Variants in AMER3 observed in about 807,000 individuals in gnomAD.
AMER3 encodes the protein family with sequence similarity 123C.
For missense variants in AMER3, 1,201 were observed against 1,139.4 expected (o/e 1.05, Z -0.78); for synonymous variants, 541 against 485.5 (o/e 1.11, Z -1.50).
chr2:130,758,184 C>A (rs1197619340), intron 1 of AMER3, among the ~76,000 whole-genome samples: 1 of 150,134 alleles, frequency 6.7e-6, no homozygotes, highest in Admixed American at 6.6e-5. Flanking sequence ...ATGATGAAAC[C>A]CCATCTCTAC....
In AMER3 at chr2:130,763,128, C is replaced by T; in HGVS notation, c.1056C>T (p.Leu352=). 1 of 1,613,418 alleles carries T rather than the reference C, an allele frequency of 6.2e-7. No homozygotes were observed. The highest frequency in any genetic ancestry group is 2.2e-5 in the East Asian group (1 of 44,864). The change falls in exon 2 of 2, where the codon CTC becomes CTT. Residue 352 remains leucine (L), a synonymous_variant. Coordinates refer to ENST00000321420, the MANE Select transcript of AMER3 (RefSeq NM_152698.3). ...LDTAGLAELP[L]CPCRDPRSGS... Reference sequence around the variant, plus strand: ...CAGCTGGGCTCGCTGAGCTGCCCCTCTGCCCCTGCAGGGACCCTCGCAGCG... The same window carrying T: ...CAGCTGGGCTCGCTGAGCTGCCCCTTTGCCCCTGCAGGGACCCTCGCAGCG...
chr2:130,758,120 C>T (rs1184522147), intron 1 of AMER3, among the ~76,000 whole-genome samples: 3 of 145,568 alleles, frequency 2.1e-5, no homozygotes, highest in South Asian at 2.2e-4. Context: ...GGCGACAGAG[C>T]GAGATTCCAT....
At chr2:130,760,559 G>A (rs1015147274) in intron 1 of AMER3, among the ~76,000 whole-genome samples, 6 of 152,202 alleles carry the variant, frequency 3.9e-5, no homozygotes, top group Admixed American at 6.5e-5. Context: ...GGTTGCCTCC[G>A]TGTAGTCCTT....
Position 130,764,570 on chromosome 2 carries a change from G to T in AMER3, c.2498G>T (p.Arg833Leu). 2 of 1,604,646 alleles carry T rather than the reference G, an allele frequency of 1.2e-6. No individual in the cohort carries two copies. Among genetic ancestry groups the T allele is most frequent in the Admixed American group, 3.4e-5 (2 of 58,958 alleles). Residue 833 changes from arginine to leucine, a missense_variant, in exon 2 of 2, where the codon CGC becomes CTC. Physicochemically the swap from Arg to Leu is moderately radical, Grantham distance 102 (BLOSUM62 -2). Transcript: ENST00000321420. ...GTCTCTGCAAGTGCCCCAGAATGCC[G>T]CTGCAGCCTCCTGGCCCGTGAGGGC... ...GGVSASAPEC[R>L]CSLLAREGLL... is the part of the protein sequence containing the mutation.
chr2:130,760,031 A>G (rs999570435), intron 1 of AMER3, among the ~76,000 whole-genome samples: 2 of 152,198 alleles, frequency 1.3e-5, no homozygotes, highest in African/African-American at 4.8e-5. Flanking sequence ...AGGATTGTGC[A>G]GAGTAGAAAG....
Position 130,763,095 on chromosome 2 carries a change from G to T in AMER3, c.1023G>T (p.Arg341=). 6.2e-7 allele frequency: 1 copy of T among 1,613,160 alleles called. No homozygotes were observed. The highest frequency in any genetic ancestry group is 8.5e-7 in the Non-Finnish European group (1 of 1,179,896). Residue 341 remains arginine (R), a synonymous_variant, in exon 2 of 2, where the codon CGG becomes CGT. Coordinates refer to ENST00000321420, the MANE Select transcript of AMER3 (RefSeq NM_152698.3). The stretch of plus-strand genomic sequence containing the variant: ...AGGGGACAGACAGGGACCAATCCCG[G>T]CTGGACACAGCTGGGCTCGCTGAGC... ...GPQGTDRDQS[R]LDTAGLAELP...
At position 130,755,563 on chromosome 2, in the gene AMER3, G is replaced by C. The variant is rs974206705; in HGVS notation, c.-131G>C. ...TTAATCCACCCCAGCCCCAGGCACTGAACCACGCGTGCAGACCCCTCGTCC... is the reference window on the plus strand; with the variant it reads ...TTAATCCACCCCAGCCCCAGGCACTCAACCACGCGTGCAGACCCCTCGTCC... On this transcript the variant is annotated 5_prime_UTR_variant, in exon 1 of 2. Coordinates refer to ENST00000321420, the MANE Select transcript of AMER3 (RefSeq NM_152698.3). 2 of 152,498 alleles carry C rather than the reference G, an allele frequency of 1.3e-5. No homozygotes were observed. The highest frequency in any genetic ancestry group is 2.4e-5 in the African/African-American group (1 of 41,344). The allele number at this position is 152,498 out of a possible 1,614,324, so 9.4% of individuals were successfully genotyped here. A position where few individuals can be genotyped will look rare whatever the true frequency, so the allele number is the denominator to read the frequency against.
At position 130,757,093 on chromosome 2, in the gene AMER3, C is replaced by T. The variant is rs545111901; in HGVS notation, c.-20+1419C>T. Among the ~76,000 whole-genome samples, 4 of 152,186 alleles carry T rather than the reference C, an allele frequency of 2.6e-5. No individual in the cohort carries two copies. In the South Asian group the frequency reaches 6.2e-4, roughly 24 times the overall value. ...AGGCGTTTCTGTGGCATGTGTATTC[C>T]TCCAGGGTTTTTATTTTGCTCCATG... On this transcript the variant is annotated intron_variant, in intron 1 of 1. Coordinates refer to ENST00000321420, the MANE Select transcript of AMER3 (RefSeq NM_152698.3).
intron 1 of AMER3, among the ~76,000 whole-genome samples, chr2:130,758,669 A>C (rs946713626): frequency 6.6e-6 from 1 of 152,210 alleles, no homozygotes; most frequent in Non-Finnish European, 1.5e-5. Flanking sequence ...GAGTGCAATC[A>C]AGCACCAGAA....
intron 1 of AMER3, among the ~76,000 whole-genome samples, chr2:130,757,949 G>A (rs1439320544): frequency 1.3e-5 from 2 of 152,100 alleles, no homozygotes; most frequent in African/African-American, 2.4e-5. Context: ...TGGCTAACAC[G>A]GTGAAACCCC....
Position 130,762,938 on chromosome 2 carries a change from A to G in AMER3, c.866A>G (p.Gln289Arg), listed in dbSNP as rs1438017284. The change falls in exon 2 of 2, where the codon CAG (glutamine) becomes CGG (arginine). Residue 289 changes from glutamine to arginine, a missense_variant. Gln to Arg is a conservative substitution (Grantham distance 43). Transcript: ENST00000321420. ...LESKVPRGPL[Q>R]GSVEQLASPA... is the part of the protein sequence containing the mutation. ...AGCAAGGTTCCCAGGGGCCCTCTCC[A>G]GGGCAGTGTGGAGCAGCTGGCCTCG... The G allele has an allele frequency of 5.0e-6, 8 of 1,612,778 alleles. No homozygotes were observed. Among genetic ancestry groups the G allele is most frequent in the Non-Finnish European group, 6.8e-6 (8 of 1,179,770 alleles).
intron 1 of AMER3, among the ~76,000 whole-genome samples, chr2:130,757,931 G>C (rs1291182955): frequency 6.6e-6 from 1 of 152,168 alleles, no homozygotes; most frequent in Non-Finnish European, 1.5e-5. Context: ...AAGAGATCAA[G>C]ACCATCCTGG....
chr2:130,763,137 C>T lies in AMER3; in HGVS notation c.1065C>T (p.Cys355=), dbSNP rs757781233. The T allele has an allele frequency of 6.2e-7, 1 of 1,613,392 alleles. No individual in the cohort carries two copies. Among genetic ancestry groups the T allele is most frequent in the Non-Finnish European group, 8.5e-7 (1 of 1,180,008 alleles). Residue 355 remains cysteine, a synonymous_variant, in exon 2 of 2, where the codon TGC becomes TGT. Coordinates refer to ENST00000321420, the MANE Select transcript of AMER3 (RefSeq NM_152698.3). The stretch of plus-strand genomic sequence containing the variant: ...TCGCTGAGCTGCCCCTCTGCCCCTG[C>T]AGGGACCCTCGCAGCGGCTCCAAAG... The part of the protein sequence containing the change: ...AGLAELPLCP[C]RDPRSGSKAS...
intron 1 of AMER3, among the ~76,000 whole-genome samples, chr2:130,761,565 T>C (rs569257859): frequency 6.6e-6 from 1 of 152,238 alleles, no homozygotes; most frequent in East Asian, 1.9e-4. Context: ...GAGTCTGCAA[T>C]ATGCACACCC....
rs768458066 is a variant in AMER3 at position 130,763,579 on chromosome 2, G to A, written c.1507G>A (p.Ala503Thr). 2.7e-5 allele frequency: 44 copies of A among 1,610,616 alleles called. 1 individual carries two copies. The East Asian group carries it at 3.3e-4, about 12-fold the overall frequency. Residue 503 changes from alanine (A) to threonine (T), a missense_variant, in exon 2 of 2, where the codon GCC becomes ACC. By Grantham distance (58) the Ala-to-Thr change is moderately conservative (BLOSUM62 0). Coordinates refer to ENST00000321420, the MANE Select transcript of AMER3 (RefSeq NM_152698.3). ...GCTGAAGCTGTGTGACACTGAGCTC[G>A]CCATCACCATGGGCATCGTCAGCTG... ...CLLKLCDTEL[A>T]ITMGIVSWLR... is the part of the protein sequence containing the mutation.
At chr2:130,762,007 G>T in intron 1 of AMER3, 47 bp from the exon 2 acceptor site, 1 of 1,533,642 alleles carries the variant, frequency 6.5e-7, no homozygotes. Flanking sequence ...CCAGAGCCCA[G>T]GGCCCTCCCG....
In AMER3 at chr2:130,763,771, G is replaced by A. The variant is rs761762408; in HGVS notation, c.1699G>A (p.Glu567Lys). ...ATVCSAPSRQ[E>K]LWAHPGTTGL... ...AGTTTGCTCAGCACCCAGCAGGCAG[G>A]AGCTGTGGGCACACCCGGGCACCAC... Residue 567 changes from glutamate to lysine, a missense_variant, in exon 2 of 2, where the codon GAG becomes AAG. Transcript: ENST00000321420. 9.4e-6 allele frequency: 15 copies of A among 1,602,322 alleles called. No homozygotes were observed. Among genetic ancestry groups the A allele is most frequent in the Non-Finnish European group, 1.3e-5 (15 of 1,174,166 alleles).
chr2:130,762,173 C>G lies in AMER3; in HGVS notation c.101C>G (p.Thr34Arg), dbSNP rs767464409. The stretch of plus-strand genomic sequence containing the variant: ...GCCGTGGCTGCAGCCAGGGAGGGGA[C>G]AGGCCCCTGGTCAGTCCTTCCAGGA... ...PAAVAAAREGTGPWSVLPGGQ... is the reference protein window; with the variant it reads ...PAAVAAAREGRGPWSVLPGGQ... Residue 34 changes from threonine to arginine, a missense_variant, in exon 2 of 2, where the codon ACA becomes AGA. Coordinates refer to ENST00000321420, the MANE Select transcript of AMER3 (RefSeq NM_152698.3). The G allele has an allele frequency of 1.1e-5, 18 of 1,602,328 alleles. 1 individual carries two copies. The South Asian group carries it at 2.0e-4, about 18-fold the overall frequency.
rs1196410768 is a variant in AMER3 at position 130,766,047 on chromosome 2, A to AG, written c.*1390dup. ...CAAATAAAGCCCCAAGCAAGGCAGT[A>AG]GCTCCACCTAACATGATGCAACTAT... On this transcript the variant is annotated 3_prime_UTR_variant, in exon 2 of 2. Transcript: ENST00000321420. 1 of 167,122 alleles carries AG rather than the reference A, an allele frequency of 6.0e-6. No homozygotes were observed. The highest frequency in any genetic ancestry group is 1.5e-5 in the Non-Finnish European group (1 of 68,130). The allele number at this position is 167,122 out of a possible 1,614,324, so 10.4% of individuals were successfully genotyped here. A position where few individuals can be genotyped will look rare whatever the true frequency, so the allele number is the denominator to read the frequency against.
Sources: gnomAD v4.1 joint callset for allele counts (sites outside exome capture counted in the v4.1 genomes callset) on GRCh38, gnomAD v4.1.1 for gene constraint, MANE v1.5 for transcripts, NCBI Gene and HGNC (gene_info 2026-07-23, HGNC 2026-07-21) for gene names.